Variants in RIMS1 observed in about 807,000 individuals in gnomAD.
The protein encoded by RIMS1 is regulating synaptic membrane exocytosis 1, also known as regulating synaptic membrane exocytosis protein 1.
A neutral mutation model predicts 214.1 loss-of-function variants in RIMS1; 83 were observed. The ratio of observed to expected loss-of-function variants is 0.39; its 90% confidence interval spans 0.32 to 0.47. The LOEUF (loss-of-function observed/expected upper bound fraction) is 0.47, where lower values mean the gene tolerates loss of function less well. Ranked by LOEUF, RIMS1 falls within the 20% of genes least tolerant of loss-of-function variation. The pLI, the probability that RIMS1 is intolerant of heterozygous loss-of-function variation, is 0.99. For missense variants in RIMS1, 2,050 were observed against 2,161.8 expected, an observed-to-expected ratio of 0.95 and a Z score of 1.03; for synonymous variants, 793 against 786.8, an observed-to-expected ratio of 1.01 and a Z score of -0.13.
intron 2 of RIMS1, among the ~76,000 whole-genome samples, chr6:71,991,173 C>A (rs920612710): frequency 6.6e-6 from 1 of 151,900 alleles, no homozygotes; most frequent in African/African-American, 2.4e-5. Context: ...AATATAGTAA[C>A]CACTTTATTT....
intron 2 of RIMS1, among the ~76,000 whole-genome samples, chr6:71,983,963 T>C (rs1244879442): frequency 6.6e-6 from 1 of 152,232 alleles, no homozygotes; most frequent in African/African-American, 2.4e-5. Flanking sequence ...GGCATTTATC[T>C]TATCTTTGCT....
chr6:72,331,157 T>C (rs1475118541), intron 28 of RIMS1, among the ~76,000 whole-genome samples: 1 of 151,816 alleles, frequency 6.6e-6, no homozygotes, highest in East Asian at 1.9e-4. Context: ...TAATAAAATA[T>C]GATAGTAGAC....
chr6:72,081,335 A>G (rs1472495818), intron 2 of RIMS1, among the ~76,000 whole-genome samples: 2 of 152,290 alleles, frequency 1.3e-5, no homozygotes, highest in Admixed American at 6.5e-5. Flanking sequence ...TTGGAATTAG[A>G]TCATGGTTAA....
chr6:72,022,436 T>C (rs1015575449), intron 2 of RIMS1, among the ~76,000 whole-genome samples: 7 of 152,192 alleles, frequency 4.6e-5, no homozygotes, highest in Admixed American at 4.6e-4. Context: ...GGAGAGTAGG[T>C]GATCCACCTT....
At chr6:72,068,867 C>T (rs141644679) in intron 2 of RIMS1, among the ~76,000 whole-genome samples, 11,523 of 151,334 alleles carry the variant, frequency 0.076, 485 homozygotes, top group Middle Eastern at 0.11. Context: ...GCCGAGATCG[C>T]GCCACTGTAC....
chr6:72,299,152 T>C (rs1432386157), intron 26 of RIMS1, among the ~76,000 whole-genome samples: 1 of 151,910 alleles, frequency 6.6e-6, no homozygotes, highest in Non-Finnish European at 1.5e-5. Flanking sequence ...AGATCAAAAC[T>C]GAACCAGAAA....
intron 1 of RIMS1, among the ~76,000 whole-genome samples, chr6:71,951,478 C>CTTTTTCTTTTTCTT (rs1237497676): frequency 1.1e-3 from 142 of 128,828 alleles, no homozygotes; most frequent in African/African-American, 2.9e-3. Context: ...TTTTCTTTTT[C>CTTTTTCTTTTTCTT]TTTTTTTTTT....
chr6:72,299,812 G>C (rs1159030722), intron 26 of RIMS1, among the ~76,000 whole-genome samples: 1 of 151,760 alleles, frequency 6.6e-6, no homozygotes, highest in East Asian at 1.9e-4. Context: ...TTTAAAATAA[G>C]TAAACCAATT....
intron 2 of RIMS1, among the ~76,000 whole-genome samples, chr6:72,008,379 G>T (rs1343197353): frequency 4.6e-5 from 7 of 152,162 alleles, no homozygotes; most frequent in African/African-American, 9.7e-5. Flanking sequence ...ATGTCAAATT[G>T]TAAAGACCGT....
chr6:72,290,711 A>G lies in RIMS1; in HGVS notation c.3587A>G (p.His1196Arg). 6.2e-7 allele frequency: 1 copy of G among 1,613,792 alleles called. No individual in the cohort carries two copies. Among genetic ancestry groups the G allele is most frequent in the Non-Finnish European group, 8.5e-7 (1 of 1,179,760 alleles). The change falls in exon 25 of 34, where the codon CAC becomes CGC. Residue 1196 changes from histidine to arginine, a missense_variant. Physicochemically the swap from His to Arg is conservative, Grantham distance 29 (BLOSUM62 0). Around this residue, in one of 6 missense-constraint regions of RIMS1, gnomAD observed 889 missense variants for 885.5 expected, o/e 1.00. Coordinates refer to ENST00000521978, the MANE Select transcript of RIMS1 (RefSeq NM_014989.7). ...VLPTCLSRRG[H>R]AAPRATDQPV... is the part of the protein sequence containing the mutation. ...CCAACATGTCTTTCTAGAAGGGGAC[A>G]CGCAGCCCCAAGAGCAACTGATCAG...
intron 4 of RIMS1, among the ~76,000 whole-genome samples, chr6:72,140,435 A>T (rs1319932096): frequency 6.6e-6 from 1 of 152,118 alleles, no homozygotes; most frequent in Non-Finnish European, 1.5e-5. Context: ...AGAATTTTAA[A>T]AATTCTTTAA....
At position 72,163,826 on chromosome 6, in the gene RIMS1, T is replaced by A. The variant is rs1373973749; in HGVS notation, c.472-15749T>A. On this transcript the variant is annotated intron_variant, in intron 4 of 33. Coordinates refer to ENST00000521978, the MANE Select transcript of RIMS1 (RefSeq NM_014989.7). ...GGGGGGGGGGGCCTCCCAGTTAGGC[T>A]ACTCGGTGGTCAGGGACCCACTTGA... Among the ~76,000 whole-genome samples, 11 of 95,430 alleles carry A rather than the reference T, an allele frequency of 1.2e-4. 2 individuals carry two copies. Among genetic ancestry groups the A allele is most frequent in the Admixed American group, 3.4e-4 (3 of 8,774 alleles). The allele number at this position is 95,430 out of a possible 152,430, so 62.6% of individuals were successfully genotyped here.
At chr6:72,227,755 C>T (rs752197730) in intron 6 of RIMS1, among the ~76,000 whole-genome samples, 7 of 151,770 alleles carry the variant, frequency 4.6e-5, no homozygotes, top group South Asian at 2.1e-4. Flanking sequence ...TCATTGAGTA[C>T]GAATATTTTC....
chr6:72,120,452 C>T (rs927129676), intron 4 of RIMS1, among the ~76,000 whole-genome samples: 1 of 151,966 alleles, frequency 6.6e-6, no homozygotes, highest in African/African-American at 2.4e-5. Flanking sequence ...TAAACGTCTT[C>T]TTTTGAGAAG....
At chr6:72,375,715 G>A (rs1180124366) in intron 29 of RIMS1, among the ~76,000 whole-genome samples, 1 of 152,136 alleles carries the variant, frequency 6.6e-6, no homozygotes, top group East Asian at 1.9e-4. Context: ...GTGGGGCAAG[G>A]TTTGGGTACA....
At chr6:72,390,183 C>G (rs2098680398) in intron 29 of RIMS1, among the ~76,000 whole-genome samples, 1 of 152,130 alleles carries the variant, frequency 6.6e-6, no homozygotes, top group South Asian at 2.1e-4. Flanking sequence ...TGCACCTTCT[C>G]CTTAAAAGAA....
chr6:72,217,549 T>C (rs2154025869), intron 6 of RIMS1, among the ~76,000 whole-genome samples: 1 of 152,350 alleles, frequency 6.6e-6, no homozygotes, highest in African/African-American at 2.4e-5. Flanking sequence ...AGATACATTT[T>C]TCTTCTCTGA....
At chr6:72,251,536 A>G (rs1416166597) in intron 15 of RIMS1, among the ~76,000 whole-genome samples, 168 bp downstream of exon 15, 1 of 152,178 alleles carries the variant, frequency 6.6e-6, no homozygotes, top group Non-Finnish European at 1.5e-5. Context: ...CATTTTCACA[A>G]TGAAAATAAT....
intron 1 of RIMS1, among the ~76,000 whole-genome samples, chr6:71,967,970 A>G (rs2151326292): frequency 6.6e-6 from 1 of 152,300 alleles, no homozygotes; most frequent in East Asian, 1.9e-4. Context: ...CTTCTGGAAT[A>G]ATATGACTGG....
Sources: gnomAD v4.1 joint callset for allele counts (sites outside exome capture counted in the v4.1 genomes callset) on GRCh38, gnomAD v4.1.1 for gene constraint, gnomAD v4.1.1 regional missense constraint, MANE v1.5 for transcripts, NCBI Gene and HGNC (gene_info 2026-07-23, HGNC 2026-07-21) for gene names.